Variants in AFG2A observed in about 807,000 individuals in gnomAD.
AFG2A encodes the protein ATPase family gene 2 protein homolog A.
chr4:122,930,653 A>G, the AFG2A span, among the ~76,000 whole-genome samples: 3 of 152,222 alleles, frequency 2.0e-5, no homozygotes, highest in African/African-American at 4.8e-5. Context: ...TTTTAAACAG[A>G]TGAAATAGTC....
chr4:123,154,969 C>A, the AFG2A span, among the ~76,000 whole-genome samples: 1 of 152,078 alleles, frequency 6.6e-6, no homozygotes, highest in East Asian at 1.9e-4. Flanking sequence ...GCCTGCTTCC[C>A]TCTTTCCCTC....
At chr4:122,956,871 A>G in the AFG2A span, among the ~76,000 whole-genome samples, 1 of 152,220 alleles carries the variant, frequency 6.6e-6, no homozygotes, top group African/African-American at 2.4e-5. Context: ...ATAAAATTTG[A>G]AAACAGTATG....
At chr4:123,209,306 G>A in the AFG2A span, among the ~76,000 whole-genome samples, 1 of 152,152 alleles carries the variant, frequency 6.6e-6, no homozygotes, top group Non-Finnish European at 1.5e-5. Context: ...CACCTATCAG[G>A]TGTATGTTGC....
chr4:123,277,037 T>C, the AFG2A span, among the ~76,000 whole-genome samples: 1 of 152,206 alleles, frequency 6.6e-6, no homozygotes, highest in African/African-American at 2.4e-5. Flanking sequence ...CGTAATTTGA[T>C]AGGAATAGCA....
the AFG2A span, among the ~76,000 whole-genome samples, chr4:122,946,201 C>T: frequency 4.0e-3 from 602 of 152,272 alleles, 2 homozygotes; most frequent in African/African-American, 0.013. Context: ...ATATTTTCAC[C>T]TTGATGGCAA....
the AFG2A span, among the ~76,000 whole-genome samples, chr4:123,216,953 G>C: frequency 6.6e-6 from 1 of 151,994 alleles, no homozygotes; most frequent in Non-Finnish European, 1.5e-5. Context: ...ACAGGTATGA[G>C]CCACCATGTC....
At chr4:123,102,254 A>G in the AFG2A span, 2 of 147,646 alleles carry the variant, frequency 1.4e-5, no homozygotes, top group Admixed American at 6.9e-5. Flanking sequence ...GCAAGCAGAT[A>G]TTATCCAGGT....
chr4:123,012,562 A>G, the AFG2A span, among the ~76,000 whole-genome samples: 1 of 152,116 alleles, frequency 6.6e-6, no homozygotes, highest in African/African-American at 2.4e-5. Context: ...ATGTGGGTGA[A>G]TAATCAGGCA....
chr4:123,257,136 G>C, the AFG2A span, among the ~76,000 whole-genome samples: 1 of 152,138 alleles, frequency 6.6e-6, no homozygotes, highest in African/African-American at 2.4e-5. Context: ...GGTACTCCGA[G>C]AGTCTATTTG....
At chr4:122,923,429 G>C in the AFG2A span, 4 of 1,304,832 alleles carry the variant, frequency 3.1e-6, no homozygotes, top group Non-Finnish European at 4.2e-6. Flanking sequence ...GTCTGAGAGC[G>C]GCACAGAAGC....
chr4:122,934,805 T>C, the AFG2A span: 16 of 1,487,030 alleles, frequency 1.1e-5, no homozygotes, highest in Admixed American at 2.4e-5. Context: ...TTGACACTTA[T>C]GTAATGATTG....
chr4:123,294,520 C>T, the AFG2A span, among the ~76,000 whole-genome samples: 1 of 152,116 alleles, frequency 6.6e-6, no homozygotes, highest in African/African-American at 2.4e-5. Flanking sequence ...AAATCAACAT[C>T]AAAACCAGGA....
At chr4:123,064,034 A>T in the AFG2A span, among the ~76,000 whole-genome samples, 1 of 152,216 alleles carries the variant, frequency 6.6e-6, no homozygotes, top group African/African-American at 2.4e-5. Flanking sequence ...TTATGAAAGT[A>T]TCTAATTATA....
the AFG2A span, among the ~76,000 whole-genome samples, chr4:123,219,455 G>T: frequency 1.3e-5 from 2 of 152,104 alleles, no homozygotes; most frequent in Non-Finnish European, 2.9e-5. Flanking sequence ...TTCTTTACCA[G>T]CCATCTAGGC....
chr4:122,964,008 G>A, the AFG2A span, among the ~76,000 whole-genome samples: 16 of 151,754 alleles, frequency 1.1e-4, no homozygotes, highest in Non-Finnish European at 2.1e-4. Context: ...AGCTTCTCTT[G>A]GCATACAAAT....
the AFG2A span, among the ~76,000 whole-genome samples, chr4:123,149,732 G>A: frequency 1.3e-5 from 2 of 149,124 alleles, no homozygotes; most frequent in Non-Finnish European, 3.0e-5. Context: ...CCTAACTAAT[G>A]TGATTTTCAT....
the AFG2A span, among the ~76,000 whole-genome samples, chr4:123,042,332 A>G: frequency 6.6e-6 from 1 of 150,576 alleles, no homozygotes; most frequent in Non-Finnish European, 1.5e-5. Flanking sequence ...CATAGTGGAA[A>G]GCAGAGAGAG....
chr4:123,310,270 T>C, the AFG2A span, among the ~76,000 whole-genome samples: 1 of 152,230 alleles, frequency 6.6e-6, no homozygotes, highest in African/African-American at 2.4e-5. Flanking sequence ...ATTGACTAGC[T>C]TTCACTGTCA....
the AFG2A span, among the ~76,000 whole-genome samples, chr4:122,971,438 T>A: frequency 6.6e-6 from 1 of 152,166 alleles, no homozygotes; most frequent in Non-Finnish European, 1.5e-5. Flanking sequence ...ATTTTAGTAG[T>A]GTGTATGTAA....
Sources: allele counts gnomAD v4.1 joint callset (sites outside exome capture counted in the v4.1 genomes callset), GRCh38; gene constraint gnomAD v4.1.1; transcripts MANE v1.5; gene names NCBI Gene and HGNC (gene_info 2026-07-23, HGNC 2026-07-21).